ZNF609: variants seen among roughly 807,000 people sequenced by gnomAD.
ZNF609 encodes the protein zinc finger protein 609.
Under a neutral mutation model 109.5 loss-of-function variants are expected in ZNF609, and 11 were observed. The ratio of observed to expected loss-of-function variants is 0.10; its 90% CI spans 0.06 to 0.17. The LOEUF is 0.17. ZNF609 is among the 10% of genes least tolerant of loss of function. The pLI, the probability that ZNF609 is intolerant of heterozygous loss-of-function variation, is 1.00. For synonymous variants in ZNF609, 646 were observed against 662.0 expected (o/e 0.98, Z 0.37); for missense variants, 1,559 against 1,772.4 (o/e 0.88, Z 2.16).
intron 2 of ZNF609, among the ~76,000 whole-genome samples, chr15:64,616,835 T>TTTG: frequency 7.8e-6 from 1 of 127,858 alleles, no homozygotes; most frequent in Non-Finnish European, 1.6e-5. Flanking sequence ...TTTTTTTTTT[T>TTTG]TTGCACTCTG....
chr15:64,495,352 C>T (rs977200610), intron 1 of ZNF609, among the ~76,000 whole-genome samples: 1 of 152,046 alleles, frequency 6.6e-6, no homozygotes, highest in Non-Finnish European at 1.5e-5. Context: ...TAAATTTATG[C>T]TACATTGAAC....
intron 1 of ZNF609, among the ~76,000 whole-genome samples, chr15:64,474,040 G>A (rs181477306): frequency 0.01 from 1,547 of 150,250 alleles, 20 homozygotes; most frequent in Non-Finnish European, 0.017. Flanking sequence ...CCCAAAGTGC[G>A]GAGATTACAG....
intron 1 of ZNF609, among the ~76,000 whole-genome samples, chr15:64,490,323 G>T (rs1893396640): frequency 1.3e-5 from 2 of 150,056 alleles, no homozygotes; most frequent in African/African-American, 4.9e-5. Flanking sequence ...GCCCAGGCTG[G>T]AGTGCAATGG....
chr15:64,636,972 A>C (rs1280941843), intron 3 of ZNF609, among the ~76,000 whole-genome samples: 1 of 152,242 alleles, frequency 6.6e-6, no homozygotes, highest in African/African-American at 2.4e-5. Context: ...TGCATTTTCG[A>C]AGTGAACACA....
intron 2 of ZNF609, among the ~76,000 whole-genome samples, chr15:64,509,146 GA>G (rs1464460989): frequency 8.5e-5 from 13 of 152,150 alleles, no homozygotes; most frequent in Admixed American, 8.5e-4. Flanking sequence ...CAGTAGGTAT[GA>G]TTTTTTTCTT....
chr15:64,514,815 T>G (rs1294185082), intron 2 of ZNF609, among the ~76,000 whole-genome samples: 2 of 152,116 alleles, frequency 1.3e-5, no homozygotes, highest in Non-Finnish European at 2.9e-5. Flanking sequence ...GTTGTTGTAT[T>G]TTTTGTAGAG....
chr15:64,490,200 T>C (rs1212754187), intron 1 of ZNF609, among the ~76,000 whole-genome samples: 2 of 151,322 alleles, frequency 1.3e-5, no homozygotes, highest in Non-Finnish European at 2.9e-5. Context: ...TGGGCTCGAG[T>C]AATCCTCCCG....
intron 3 of ZNF609, among the ~76,000 whole-genome samples, chr15:64,650,892 G>C (rs1390711876): frequency 2.3e-5 from 3 of 130,508 alleles, no homozygotes; most frequent in Non-Finnish European, 5.1e-5. Context: ...GTTGATGGGT[G>C]GGGGGGGGAT....
intron 3 of ZNF609, among the ~76,000 whole-genome samples, chr15:64,654,909 A>C (rs1595753861): frequency 1.3e-5 from 2 of 151,998 alleles, no homozygotes; most frequent in South Asian, 4.2e-4. Flanking sequence ...ATCCTGGCTA[A>C]CACGGTGAAA....
chr15:64,481,342 C>CG (rs1179218613), intron 1 of ZNF609, among the ~76,000 whole-genome samples: 1 of 114,988 alleles, frequency 8.7e-6, no homozygotes, highest in Non-Finnish European at 1.7e-5. Context: ...TTTTTTGAGA[C>CG]GGAGTTTCAC....
At chr15:64,518,337 TA>T (rs1203626455) in intron 2 of ZNF609, among the ~76,000 whole-genome samples, 1 of 152,042 alleles carries the variant, frequency 6.6e-6, no homozygotes, top group African/African-American at 2.4e-5. Context: ...GGTGAGAGAA[TA>T]GCATAATCAA....
At chr15:64,514,663 A>T (rs1280810195) in intron 2 of ZNF609, among the ~76,000 whole-genome samples, 1 of 148,260 alleles carries the variant, frequency 6.7e-6, no homozygotes, top group Non-Finnish European at 1.5e-5. Flanking sequence ...TTTGAGACGG[A>T]GTCTCACTCT....
At chr15:64,493,454 A>G (rs868232887) in intron 1 of ZNF609, among the ~76,000 whole-genome samples, 8 of 152,200 alleles carry the variant, frequency 5.3e-5, no homozygotes, top group Non-Finnish European at 7.3e-5. Context: ...GATGGATGTT[A>G]TTATGATATG....
At chr15:64,547,924 T>A (rs1247885013) in intron 2 of ZNF609, among the ~76,000 whole-genome samples, 1 of 152,118 alleles carries the variant, frequency 6.6e-6, no homozygotes, top group Non-Finnish European at 1.5e-5. Context: ...TTAATACCCT[T>A]GTAGATTACT....
intron 3 of ZNF609, among the ~76,000 whole-genome samples, chr15:64,665,235 G>C (rs1896629256): frequency 6.6e-6 from 1 of 152,146 alleles, no homozygotes; most frequent in Non-Finnish European, 1.5e-5. Context: ...TTTATCTAAG[G>C]TGAAGGTAAC....
chr15:64,526,423 C>T (rs1893968510), intron 2 of ZNF609, among the ~76,000 whole-genome samples: 1 of 152,054 alleles, frequency 6.6e-6, no homozygotes, highest in African/African-American at 2.4e-5. Flanking sequence ...TACTTACAAC[C>T]TCGATGTCTT....
intron 2 of ZNF609, among the ~76,000 whole-genome samples, chr15:64,560,299 G>A (rs1356548723): frequency 6.6e-6 from 1 of 151,672 alleles, no homozygotes; most frequent in African/African-American, 2.4e-5. Context: ...GCCCGCCTCG[G>A]CCTCCCAAAG....
intron 1 of ZNF609, among the ~76,000 whole-genome samples, chr15:64,476,866 C>T (rs1893177888): frequency 6.6e-6 from 1 of 152,150 alleles, no homozygotes; most frequent in Admixed American, 6.5e-5. Flanking sequence ...TCATAACCTT[C>T]TCTCTTCTTA....
chr15:64,474,658 T>C (rs1248056226), intron 1 of ZNF609, among the ~76,000 whole-genome samples: 1 of 152,210 alleles, frequency 6.6e-6, no homozygotes. Flanking sequence ...TGGGCACTTA[T>C]ATGCCAGGCC....
Sources: allele counts gnomAD v4.1 joint callset (sites outside exome capture counted in the v4.1 genomes callset), GRCh38; gene constraint gnomAD v4.1.1; transcripts MANE v1.5; gene names NCBI Gene and HGNC (gene_info 2026-07-23, HGNC 2026-07-21).